Variants in P2RX5 observed in about 807,000 individuals in gnomAD.
The protein encoded by P2RX5 is P2X purinoceptor 5.
Under a neutral mutation model 54.1 loss-of-function variants are expected in P2RX5, and 46 were observed. The observed-to-expected ratio is 0.85, with a 90% confidence interval of 0.67 to 1.09. The LOEUF is 1.09. Among genes scored for constraint, P2RX5 ranks in the 50% least tolerant of loss-of-function variants. The pLI is 0.00. For synonymous variants in P2RX5, 226 were observed against 226.4 expected (o/e 1.00, Z 0.02); for missense variants, 566 against 549.8 (o/e 1.03, Z -0.29).
Position 3,673,780 on chromosome 17 carries a change from G to C in P2RX5, c.*88C>G. 1 of 1,611,814 alleles carries C rather than the reference G, an allele frequency of 6.2e-7. No individual in the cohort carries two copies. Among genetic ancestry groups the C allele is most frequent in the Non-Finnish European group, 8.5e-7 (1 of 1,179,802 alleles). On this transcript the variant is annotated 3_prime_UTR_variant, in exon 12 of 12. Coordinates refer to ENST00000225328, the MANE Select transcript of P2RX5 (RefSeq NM_002561.4). ...ACCCAATGTACAAATTTCCCGTTGG[G>C]CAGCATCCTGGGATTCCCAAAGGCA...
At chr17:3,723,347 C>T in the P2RX5 span, 1 of 1,613,814 alleles carries the variant, frequency 6.2e-7, no homozygotes, top group African/African-American at 1.3e-5. Flanking sequence ...TTATCTGAAG[C>T]GATGACACAG....
chr17:3,705,520 C>G, the P2RX5 span, among the ~76,000 whole-genome samples: 1 of 152,096 alleles, frequency 6.6e-6, no homozygotes. Context: ...CAATTGCTGT[C>G]CTCCTCCAAA....
chr17:3,715,923 G>A, the P2RX5 span, among the ~76,000 whole-genome samples: 1 of 152,118 alleles, frequency 6.6e-6, no homozygotes, highest in Non-Finnish European at 1.5e-5. Context: ...TTGGGAGGCC[G>A]AGGCGGGAGG....
At chr17:3,678,963 G>A (rs926827839) in intron 11 of P2RX5, among the ~76,000 whole-genome samples, 3 of 152,148 alleles carry the variant, frequency 2.0e-5, no homozygotes, top group African/African-American at 7.2e-5. Context: ...AGAAGCCAGC[G>A]CCCCCAGGAA....
the P2RX5 span, among the ~76,000 whole-genome samples, chr17:3,704,976 A>G: frequency 2.0e-5 from 3 of 152,208 alleles, no homozygotes; most frequent in Non-Finnish European, 4.4e-5. Context: ...ATTGTACTAC[A>G]GCCTGGACAA....
At chr17:3,690,578 C>T in intron 4 of P2RX5, 27 bp downstream of exon 4, 1 of 1,613,152 alleles carries the variant, frequency 6.2e-7, no homozygotes, top group Non-Finnish European at 8.5e-7. Context: ...AGTCCTCCTT[C>T]AGCCCGTGGC....
chr17:3,695,598 G>A (rs2050734918), intron 1 of P2RX5, among the ~76,000 whole-genome samples: 1 of 152,144 alleles, frequency 6.6e-6, no homozygotes, highest in East Asian at 1.9e-4. Context: ...GCAGCTGCAG[G>A]GAAAGCCTGA....
At chr17:3,711,973 C>T in the P2RX5 span, among the ~76,000 whole-genome samples, 4 of 149,850 alleles carry the variant, frequency 2.7e-5, no homozygotes, top group East Asian at 5.8e-4. Flanking sequence ...CTTGCTCTAA[C>T]GCCAATTGGA....
the P2RX5 span, chr17:3,716,699 T>A: frequency 1.3e-6 from 2 of 1,592,434 alleles, no homozygotes; most frequent in South Asian, 2.2e-5. Context: ...TTGAACAGGA[T>A]GACCAGAATC....
the P2RX5 span, among the ~76,000 whole-genome samples, chr17:3,713,198 GAAAAATTAAA>G: frequency 9.2e-5 from 14 of 151,652 alleles, no homozygotes; most frequent in East Asian, 2.7e-3. Flanking sequence ...CTCTACAAAA[GAAAAATTAAA>G]AAATGAGCCG....
chr17:3,698,879 G>A (rs1296868677), upstream of P2RX5, among the ~76,000 whole-genome samples: 2 of 152,002 alleles, frequency 1.3e-5, no homozygotes, highest in Non-Finnish European at 2.9e-5. Context: ...CACTGGTGAG[G>A]CATGACATCA....
At chr17:3,675,722 T>C (rs1217003598) in intron 11 of P2RX5, 1 of 629,824 alleles carries the variant, frequency 1.6e-6, no homozygotes, top group Non-Finnish European at 2.0e-6. Flanking sequence ...CCGGCTAATT[T>C]TTGTATTTTT....
upstream of P2RX5, among the ~76,000 whole-genome samples, chr17:3,700,891 G>T (rs775121052): frequency 5.3e-5 from 8 of 152,144 alleles, no homozygotes; most frequent in Admixed American, 1.3e-4. Context: ...ATGATTGGAA[G>T]CTTCCTGAGG....
chr17:3,720,167 C>T, the P2RX5 span: 1 of 578,600 alleles, frequency 1.7e-6, no homozygotes, highest in Non-Finnish European at 3.1e-6. Context: ...ACTCAAAGGT[C>T]ACAAAGGCAG....
chr17:3,723,613 AAC>A, the P2RX5 span: 378 of 1,423,850 alleles, frequency 2.7e-4, no homozygotes, highest in Non-Finnish European at 3.3e-4. Context: ...ACCCAGGAAA[AAC>A]AGTCTCCTGG....
the P2RX5 span, among the ~76,000 whole-genome samples, chr17:3,706,295 G>T: frequency 6.6e-6 from 1 of 151,718 alleles, no homozygotes; most frequent in African/African-American, 2.4e-5. Flanking sequence ...GGGTTTCGCC[G>T]TGTTGCCCAG....
chr17:3,680,105 GTCCTCCACCCTGCA>G (rs1421502244), intron 10 of P2RX5, among the ~76,000 whole-genome samples: 63 of 119,446 alleles, frequency 5.3e-4, no homozygotes, highest in South Asian at 1.2e-3. Context: ...TCCACCCAGC[GTCCTCCACCCTGCA>G]TCCTCCACCC....
chr17:3,720,358 A>G, the P2RX5 span: 18 of 1,589,700 alleles, frequency 1.1e-5, no homozygotes, highest in Admixed American at 3.0e-4. Context: ...ATTTGTTGAA[A>G]GATATTTCAC....
At chr17:3,705,268 C>A in the P2RX5 span, among the ~76,000 whole-genome samples, 1 of 152,096 alleles carries the variant, frequency 6.6e-6, no homozygotes, top group Admixed American at 6.6e-5. Context: ...TATCAAATAC[C>A]ACGAATGCCC....
Sources: allele counts gnomAD v4.1 joint callset (sites outside exome capture counted in the v4.1 genomes callset), GRCh38; gene constraint gnomAD v4.1.1; transcripts MANE v1.5; gene names NCBI Gene and HGNC (gene_info 2026-07-23, HGNC 2026-07-21).